Variants in SLC24A2 observed in about 807,000 individuals in gnomAD.
SLC24A2 encodes solute carrier family 24 member 2.
A neutral mutation model predicts 62.0 loss-of-function variants in SLC24A2; 36 were observed. The ratio of observed to expected loss-of-function variants is 0.58; its 90% CI spans 0.44 to 0.77. SLC24A2 has a LOEUF of 0.77. SLC24A2 is among the 30% of genes least tolerant of loss of function. The probability of loss-of-function intolerance (pLI) is 0.00; values close to 1 mark genes in which losing one functional copy is unlikely to be tolerated. For synonymous variants in SLC24A2, 358 were observed against 294.0 expected, an observed-to-expected ratio of 1.22 and a Z score of -2.23; for missense variants, 846 against 817.9, an observed-to-expected ratio of 1.03 and a Z score of -0.42.
chr9:20,143,930 T>C, the SLC24A2 span, among the ~76,000 whole-genome samples: 1 of 152,232 alleles, frequency 6.6e-6, no homozygotes, highest in African/African-American at 2.4e-5. Flanking sequence ...TCCTGACCTC[T>C]ACAGCAAATC....
chr9:20,010,803 C>T, the SLC24A2 span, among the ~76,000 whole-genome samples: 1 of 136,556 alleles, frequency 7.3e-6, no homozygotes, highest in South Asian at 2.6e-4. Flanking sequence ...TGTTCCCCTT[C>T]CTGTGCCCAA....
the SLC24A2 span, among the ~76,000 whole-genome samples, chr9:20,164,236 G>T: frequency 6.6e-6 from 1 of 151,866 alleles, no homozygotes; most frequent in South Asian, 2.1e-4. Context: ...CTACTCATCT[G>T]ACAAAGGGCT....
upstream of SLC24A2, among the ~76,000 whole-genome samples, chr9:19,789,641 G>C (rs551764547): frequency 1.3e-5 from 2 of 152,316 alleles, no homozygotes; most frequent in Non-Finnish European, 2.9e-5. Context: ...CCAGCCCAGT[G>C]CTCCTTCCTG....
the SLC24A2 span, among the ~76,000 whole-genome samples, chr9:20,039,794 G>A: frequency 4.4e-4 from 67 of 152,270 alleles, no homozygotes; most frequent in Non-Finnish European, 8.1e-4. Flanking sequence ...CAGGAAAGAG[G>A]CAGAGCTGGA....
the SLC24A2 span, among the ~76,000 whole-genome samples, chr9:20,000,869 G>A: frequency 1.3e-5 from 2 of 152,170 alleles, no homozygotes; most frequent in African/African-American, 4.8e-5. Flanking sequence ...AGACAGAAAA[G>A]TTATGTATGA....
the SLC24A2 span, among the ~76,000 whole-genome samples, chr9:20,061,862 T>G: frequency 6.6e-6 from 1 of 151,982 alleles, no homozygotes; most frequent in Non-Finnish European, 1.5e-5. Flanking sequence ...TTAAGAGTGC[T>G]TCAGAAGACA....
chr9:19,576,969 G>T lies in SLC24A2; in HGVS notation c.1183C>A (p.His395Asn). ...TTCTGCCTCTCGTTCTCATCCACAT[G>T]ACATTTCTTCTTGGCGATCTTGTGG... Reference protein sequence around the residue: ...ILHKIAKKKCHVDENERQNGA... With the variant: ...ILHKIAKKKCNVDENERQNGA... Residue 395 changes from histidine to asparagine, a missense_variant, in exon 6 of 11, where the codon CAT (histidine) becomes AAT (asparagine). His to Asn is a moderately conservative substitution (Grantham distance 68). Transcript: ENST00000341998. 6.2e-7 allele frequency: 1 copy of T among 1,614,120 alleles called. No individual in the cohort carries two copies. The highest frequency in any genetic ancestry group is 8.5e-7 in the Non-Finnish European group (1 of 1,179,998).
At chr9:20,295,382 A>G in the SLC24A2 span, among the ~76,000 whole-genome samples, 1 of 152,170 alleles carries the variant, frequency 6.6e-6, no homozygotes, top group Non-Finnish European at 1.5e-5. Flanking sequence ...GAAATTAAGT[A>G]TAGTTTAAGG....
Position 19,788,523 on chromosome 9 carries a change from A to C in SLC24A2, c.-154+362T>G, listed in dbSNP as rs1447282604. On this transcript the variant is annotated intron_variant, in intron 1 of 10. Transcript: ENST00000341998. ...ATAGGAAAATAAATCTAAAGGACAG[A>C]CGCCCCACCTGTGAGCTTGGAGCTG... 5 of 985,296 alleles carry C rather than the reference A, an allele frequency of 5.1e-6. No individual in the cohort carries two copies. In the Admixed American group the frequency reaches 2.5e-4, roughly 48 times the overall value. 61.0% of individuals were successfully genotyped at this position (985,296 alleles called of 1,614,324 possible).
intron 2 of SLC24A2, among the ~76,000 whole-genome samples, chr9:19,681,624 C>G (rs1214328221): frequency 2.6e-5 from 4 of 152,120 alleles, no homozygotes; most frequent in Non-Finnish European, 5.9e-5. Context: ...ATTTCCATGT[C>G]TCCATCTTCT....
At chr9:19,906,423 G>A in the SLC24A2 span, among the ~76,000 whole-genome samples, 11 of 151,362 alleles carry the variant, frequency 7.3e-5, no homozygotes, top group South Asian at 2.1e-4. Flanking sequence ...AAGAACTAGA[G>A]AAGCAAGAGC....
In SLC24A2 at chr9:19,634,848, TAAGAC is replaced by T. The variant is rs574990978; in HGVS notation, c.931-12554_931-12550del. Among the ~76,000 whole-genome samples the T allele has an allele frequency of 2.1e-3, 326 of 152,298 alleles. 5 individuals carry two copies. Among genetic ancestry groups the T allele is most frequent in the Non-Finnish European group, 1.6e-3 (111 of 68,032 alleles). The stretch of plus-strand genomic sequence containing the variant: ...ATGTCATGCATCCCTCTAATCTTAT[TAAGAC>T]AAGAGTTATCTAATCTTATAAAGCA... On this transcript the variant is annotated intron_variant, in intron 2 of 10. Coordinates refer to ENST00000341998, the MANE Select transcript of SLC24A2 (RefSeq NM_020344.4).
the SLC24A2 span, among the ~76,000 whole-genome samples, chr9:20,302,182 G>A: frequency 6.6e-6 from 1 of 152,170 alleles, no homozygotes; most frequent in Non-Finnish European, 1.5e-5. Flanking sequence ...TCTGAATAAA[G>A]CTGCTATTAA....
intron 2 of SLC24A2, among the ~76,000 whole-genome samples, chr9:19,636,327 CTTTCTTTCTTT>C (rs1818337309): frequency 4.8e-5 from 1 of 20,736 alleles, no homozygotes. Context: ...TTCTTTCTTT[CTTTCTTTCTTT>C]CTTTCTTTCT....
chr9:19,575,454 C>G (rs1392417702), intron 6 of SLC24A2, among the ~76,000 whole-genome samples: 1 of 152,208 alleles, frequency 6.6e-6, no homozygotes, highest in African/African-American at 2.4e-5. Flanking sequence ...CAGAGACTGC[C>G]TGCCAGGCAT....
At chr9:19,519,314 T>G (rs184154123) in intron 10 of SLC24A2, among the ~76,000 whole-genome samples, 8 of 140,664 alleles carry the variant, frequency 5.7e-5, no homozygotes, top group Non-Finnish European at 1.1e-4. Context: ...TTCCGAGTAA[T>G]AGGATTAGGA....
At chr9:19,662,975 A>G (rs1284768151) in intron 2 of SLC24A2, among the ~76,000 whole-genome samples, 1 of 152,238 alleles carries the variant, frequency 6.6e-6, no homozygotes, top group Non-Finnish European at 1.5e-5. Flanking sequence ...GGAATGCTAC[A>G]TAGCATATGC....
chr9:19,968,622 A>G, the SLC24A2 span, among the ~76,000 whole-genome samples: 19 of 152,288 alleles, frequency 1.2e-4, no homozygotes, highest in African/African-American at 4.1e-4. Context: ...CCATTCATGT[A>G]GTGCACATGT....
At chr9:20,163,301 A>G in the SLC24A2 span, among the ~76,000 whole-genome samples, 1 of 152,190 alleles carries the variant, frequency 6.6e-6, no homozygotes, top group East Asian at 1.9e-4. Flanking sequence ...TACAAAATCA[A>G]TGTGCAAAAA....
Sources: gnomAD v4.1 joint callset for allele counts (sites outside exome capture counted in the v4.1 genomes callset) on GRCh38, gnomAD v4.1.1 for gene constraint, MANE v1.5 for transcripts, NCBI Gene and HGNC (gene_info 2026-07-23, HGNC 2026-07-21) for gene names.